FOXN2: variants seen among roughly 807,000 people sequenced by gnomAD.
FOXN2 encodes forkhead box N2.
Under a neutral mutation model 41.2 loss-of-function variants are expected in FOXN2, and 19 were observed. That is an observed-to-expected ratio of 0.46 (90% CI 0.32 to 0.68). The LOEUF is 0.68. Among genes scored for constraint, FOXN2 ranks in the 30% least tolerant of loss-of-function variants. The pLI is 0.03. For synonymous variants in FOXN2, 195 were observed against 176.8 expected, an observed-to-expected ratio of 1.10 and a Z score of -0.82; for missense variants, 587 against 509.4, an observed-to-expected ratio of 1.15 and a Z score of -1.47.
At chr2:48,325,300 A>G (rs779085050) in intron 1 of FOXN2, among the ~76,000 whole-genome samples, 15 of 152,234 alleles carry the variant, frequency 9.9e-5, no homozygotes, top group Non-Finnish European at 2.2e-4. Context: ...GTTGTTATGA[A>G]TAAGATTAAA....
At chr2:48,372,894 A>G (rs1673001733) in intron 5 of FOXN2, among the ~76,000 whole-genome samples, 1 of 151,680 alleles carries the variant, frequency 6.6e-6, no homozygotes, top group African/African-American at 2.4e-5. Context: ...AGATATGCAT[A>G]GGTAATGATA....
intron 1 of FOXN2, among the ~76,000 whole-genome samples, chr2:48,321,276 C>T (rs1669297976): frequency 6.6e-6 from 1 of 152,108 alleles, no homozygotes; most frequent in African/African-American, 2.4e-5. Context: ...TGGCTCATGC[C>T]TGTAATCCCA....
In FOXN2 at chr2:48,331,375, T is replaced by C. The variant is rs541990398; in HGVS notation, c.-15+2673T>C. Among the ~76,000 whole-genome samples the C allele has an allele frequency of 2.4e-3, 364 of 152,262 alleles. 1 individual carries two copies. Among genetic ancestry groups the C allele is most frequent in the African/African-American group, 8.2e-3 (342 of 41,554 alleles). On this transcript the variant is annotated intron_variant, in intron 2 of 6. Transcript: ENST00000340553. ...ATAGGTAAGATAGAAACAATTAAAA[T>C]TGAAAATGTAGCATGAAGAGATTCA... is the stretch of plus-strand genomic sequence containing the variant.
chr2:48,336,272 G>T (rs1031962074), intron 2 of FOXN2, among the ~76,000 whole-genome samples: 3 of 151,578 alleles, frequency 2.0e-5, no homozygotes, highest in African/African-American at 7.3e-5. Context: ...GCCGGGTGTG[G>T]TGGTGCACGC....
chr2:48,354,690 A>G lies in FOXN2; in HGVS notation c.538-4357A>G, dbSNP rs560240726. Reference sequence around the variant, plus strand: ...TTGCTAAATGTGGAGTTGAGAAGCAATGTTTACTATCAACAGTATACCATT... The same window carrying G: ...TTGCTAAATGTGGAGTTGAGAAGCAGTGTTTACTATCAACAGTATACCATT... On this transcript the variant is annotated intron_variant, in intron 3 of 6. Transcript: ENST00000340553. Among the ~76,000 whole-genome samples, 20 of 152,372 alleles carry G rather than the reference A, an allele frequency of 1.3e-4. No individual in the cohort carries two copies. The South Asian group carries it at 3.3e-3, about 25-fold the overall frequency.
intron 3 of FOXN2, among the ~76,000 whole-genome samples, chr2:48,354,964 TTG>T (rs2104429132): frequency 6.6e-6 from 1 of 152,322 alleles, no homozygotes; most frequent in Non-Finnish European, 1.5e-5. Context: ...TTTCACATCA[TTG>T]ATAGGAGTAC....
At chr2:48,354,631 T>TTTAACATTTAACA (rs1343964396) in intron 3 of FOXN2, among the ~76,000 whole-genome samples, 1 of 152,244 alleles carries the variant, frequency 6.6e-6, no homozygotes, top group Non-Finnish European at 1.5e-5. Flanking sequence ...CTGATAAATG[T>TTTAACATTTAACA]TTAACAACTG....
intron 2 of FOXN2, among the ~76,000 whole-genome samples, chr2:48,329,796 A>T (rs1669915265): frequency 6.6e-6 from 1 of 152,178 alleles, no homozygotes; most frequent in African/African-American, 2.4e-5. Flanking sequence ...ATGTATTGTT[A>T]AATCAATAGG....
At chr2:48,315,686 G>C (rs962508950) in intron 1 of FOXN2, among the ~76,000 whole-genome samples, 1 of 152,152 alleles carries the variant, frequency 6.6e-6, no homozygotes, top group Non-Finnish European at 1.5e-5. Flanking sequence ...CAGCCCATGT[G>C]CTCCGTGCTC....
intron 4 of FOXN2, among the ~76,000 whole-genome samples, chr2:48,359,447 C>T (rs1672031733): frequency 6.6e-6 from 1 of 152,014 alleles, no homozygotes; most frequent in Admixed American, 6.6e-5. Context: ...GCAAGCACCA[C>T]CACTCCCAGC....
At chr2:48,347,134 C>T (rs576384501) in intron 3 of FOXN2, among the ~76,000 whole-genome samples, 2 of 150,942 alleles carry the variant, frequency 1.3e-5, no homozygotes, top group East Asian at 3.9e-4. Context: ...AATCTATCAC[C>T]TTGCTATTTA....
chr2:48,320,465 A>G (rs796146283), intron 1 of FOXN2, among the ~76,000 whole-genome samples: 1 of 151,894 alleles, frequency 6.6e-6, no homozygotes, highest in Non-Finnish European at 1.5e-5. Context: ...TAATTTTTGT[A>G]TTTTTAGTAG....
intron 1 of FOXN2, among the ~76,000 whole-genome samples, chr2:48,315,443 G>T (rs1357282645): frequency 6.6e-6 from 1 of 152,204 alleles, no homozygotes; most frequent in East Asian, 1.9e-4. Flanking sequence ...CCCCTCCACC[G>T]CCTCGAGGGG....
Position 48,346,592 on chromosome 2 carries a change from G to C in FOXN2, c.378G>C (p.Glu126Asp), listed in dbSNP as rs771062100. 3.7e-6 allele frequency: 6 copies of C among 1,613,994 alleles called. No individual in the cohort carries two copies. In the East Asian group the frequency reaches 1.1e-4, roughly 30 times the overall value. The change falls in exon 3 of 7, where the codon GAG becomes GAC. Residue 126 changes from glutamate (E) to aspartate (D), a missense_variant. Glu to Asp is a conservative substitution (Grantham distance 45). Transcript: ENST00000340553. Reference protein sequence around the residue: ...SFSLLIYMAIEHSPNKCLPVK... With the variant: ...SFSLLIYMAIDHSPNKCLPVK... ...GTCTTCTCATTTATATGGCCATTGA[G>C]CACTCTCCAAATAAATGTTTGCCTG...
chr2:48,359,226 G>T (rs75288627), intron 4 of FOXN2, 79 bp downstream of exon 4: 4 of 946,714 alleles, frequency 4.2e-6, no homozygotes, highest in Non-Finnish European at 6.6e-6. Context: ...AAGGTCCAGG[G>T]TATTATGTTT....
upstream of FOXN2, chr2:48,314,594 C>T (rs987656071): frequency 1.3e-5 from 2 of 152,218 alleles, no homozygotes; most frequent in African/African-American, 4.8e-5. Context: ...GGGCTAATCG[C>T]CTTGGCGCCG....
intron 3 of FOXN2, among the ~76,000 whole-genome samples, chr2:48,348,338 A>G (rs2104387475): frequency 6.6e-6 from 1 of 151,912 alleles, no homozygotes; most frequent in African/African-American, 2.4e-5. Flanking sequence ...CCAATGAAGG[A>G]CTTCTTCATG....
intron 3 of FOXN2, among the ~76,000 whole-genome samples, chr2:48,353,473 T>C (rs1671584368): frequency 6.6e-6 from 1 of 152,028 alleles, no homozygotes; most frequent in African/African-American, 2.4e-5. Flanking sequence ...ATCCCAGTTA[T>C]GTATAGATTT....
intron 2 of FOXN2, among the ~76,000 whole-genome samples, chr2:48,332,924 C>T (rs1197045713): frequency 2.6e-5 from 4 of 152,130 alleles, no homozygotes; most frequent in Non-Finnish European, 5.9e-5. Context: ...ACAGCTCATG[C>T]TGGTAATCCT....
Sources: gnomAD v4.1 joint callset for allele counts (sites outside exome capture counted in the v4.1 genomes callset) on GRCh38, gnomAD v4.1.1 for gene constraint, MANE v1.5 for transcripts, NCBI Gene and HGNC (gene_info 2026-07-23, HGNC 2026-07-21) for gene names.